The following ATP8B4 variants were observed in gnomAD, a reference collection of about 807,000 sequenced individuals.
ATP8B4 encodes the protein probable phospholipid-transporting ATPase IM.
A neutral mutation model predicts 145.6 loss-of-function variants in ATP8B4; 133 were observed. The ratio of observed to expected loss-of-function variants is 0.91; its 90% CI spans 0.79 to 1.05. The LOEUF (loss-of-function observed/expected upper bound fraction) is 1.05. Among genes scored for constraint, ATP8B4 ranks in the 50% least tolerant of loss-of-function variants. The pLI is 0.00. For synonymous variants in ATP8B4, 507 were observed against 492.9 expected, an observed-to-expected ratio of 1.03 and a Z score of -0.38; for missense variants, 1,458 against 1,425.2, an observed-to-expected ratio of 1.02 and a Z score of -0.37.
At chr15:50,085,498 C>A (rs937334163) in intron 2 of ATP8B4, among the ~76,000 whole-genome samples, 11 of 151,972 alleles carry the variant, frequency 7.2e-5, no homozygotes, top group African/African-American at 2.7e-4. Context: ...GAATGCAGAT[C>A]CACGCAGTGC....
chr15:50,123,649 A>C (rs2057288146), upstream of ATP8B4, among the ~76,000 whole-genome samples: 1 of 152,156 alleles, frequency 6.6e-6, no homozygotes, highest in Non-Finnish European at 1.5e-5. Flanking sequence ...TTGAGTAATA[A>C]TAAAACTCCT....
At chr15:49,861,967 C>T (rs2031899844) in intron 27 of ATP8B4, among the ~76,000 whole-genome samples, 2 of 152,182 alleles carry the variant, frequency 1.3e-5, no homozygotes, top group Non-Finnish European at 2.9e-5. Context: ...TGCCTGTGAT[C>T]TTCTTTTTAA....
intron 3 of ATP8B4, among the ~76,000 whole-genome samples, chr15:50,072,941 T>C (rs1203393906): frequency 1.3e-4 from 3 of 23,050 alleles, no homozygotes; most frequent in African/African-American, 3.6e-4. Context: ...TCTCTCTCTC[T>C]CTCTCTCTCT....
intron 23 of ATP8B4, among the ~76,000 whole-genome samples, chr15:49,884,603 CA>C (rs1171236865): frequency 9.2e-5 from 3 of 32,772 alleles, no homozygotes; most frequent in African/African-American, 3.2e-4. Context: ...ATCCTGTCTC[CA>C]AAAAAAAAGA....
intron 2 of ATP8B4, among the ~76,000 whole-genome samples, chr15:50,078,665 C>A (rs910913566): frequency 6.6e-6 from 1 of 151,800 alleles, no homozygotes; most frequent in Non-Finnish European, 1.5e-5. Context: ...GAAAGGGCCA[C>A]CAAGTACCAA....
At chr15:49,983,867 C>T (rs917517241) in intron 10 of ATP8B4, among the ~76,000 whole-genome samples, 1 of 152,210 alleles carries the variant, frequency 6.6e-6, no homozygotes, top group African/African-American at 2.4e-5. Flanking sequence ...ACTTTCCTTA[C>T]TCCTGCCACA....
chr15:49,984,024 T>G (rs1444539190), intron 10 of ATP8B4, among the ~76,000 whole-genome samples: 1 of 152,236 alleles, frequency 6.6e-6, no homozygotes, highest in African/African-American at 2.4e-5. Flanking sequence ...ATGCCCAGCA[T>G]ATAGTAGACA....
intron 12 of ATP8B4, among the ~76,000 whole-genome samples, chr15:49,975,466 G>A (rs980258178): frequency 1.1e-4 from 16 of 152,090 alleles, no homozygotes; most frequent in African/African-American, 3.9e-4. Context: ...TAAATGCTAT[G>A]TAAATAGTTG....
intron 23 of ATP8B4, among the ~76,000 whole-genome samples, chr15:49,894,291 G>A (rs2037145942): frequency 6.6e-6 from 1 of 152,180 alleles, no homozygotes; most frequent in Admixed American, 6.5e-5. Flanking sequence ...TTTATTAAAT[G>A]AGTGAAATCC....
intron 12 of ATP8B4, among the ~76,000 whole-genome samples, chr15:49,976,195 CTCTT>C (rs1201338293): frequency 6.6e-5 from 10 of 152,088 alleles, no homozygotes; most frequent in Middle Eastern, 3.4e-3. Context: ...ATAACTGACA[CTCTT>C]TGTTTATTTA....
intron 1 of ATP8B4, among the ~76,000 whole-genome samples, chr15:50,171,629 A>C (rs897718950): frequency 1.3e-5 from 2 of 152,194 alleles, no homozygotes; most frequent in Non-Finnish European, 2.9e-5. Flanking sequence ...AGACAATCTA[A>C]GATCACACCT....
chr15:50,179,289 T>C (rs1180401509), intron 1 of ATP8B4, among the ~76,000 whole-genome samples: 3 of 152,208 alleles, frequency 2.0e-5, no homozygotes, highest in African/African-American at 7.2e-5. Context: ...TTTCATTTTA[T>C]AGACCAGAGG....
chr15:49,869,068 C>T lies in ATP8B4; in HGVS notation c.3028-2584G>A, dbSNP rs138543710. Among the ~76,000 whole-genome samples, 1,375 of 152,218 alleles carry T rather than the reference C, an allele frequency of 9.0e-3. 12 individuals carry two copies. Among genetic ancestry groups the T allele is most frequent in the Middle Eastern group, 0.034 (10 of 294 alleles). On this transcript the variant is annotated intron_variant, in intron 25 of 27. Transcript: ENST00000284509. ...GGACTACAGGCAGGCGCCACCATGC[C>T]TGGCTAATTTTTTTGTATTTTTAGT...
At chr15:50,092,335 A>G (rs1376605755) in intron 2 of ATP8B4, among the ~76,000 whole-genome samples, 1 of 152,154 alleles carries the variant, frequency 6.6e-6, no homozygotes, top group Non-Finnish European at 1.5e-5. Flanking sequence ...TTTTTCATTT[A>G]CAATATCTAG....
chr15:49,879,766 C>T (rs1460376955), intron 23 of ATP8B4: 3 of 202,614 alleles, frequency 1.5e-5, no homozygotes, highest in Non-Finnish European at 2.9e-5. Context: ...GAGCCCCTGA[C>T]CTTGTGGTGG....
intron 10 of ATP8B4, among the ~76,000 whole-genome samples, chr15:49,981,637 T>C (rs2046166694): frequency 6.6e-6 from 1 of 152,156 alleles, no homozygotes; most frequent in Admixed American, 6.5e-5. Flanking sequence ...AGGAATAATT[T>C]GGAAATATTA....
intron 2 of ATP8B4, among the ~76,000 whole-genome samples, chr15:50,075,494 G>C (rs1342414608): frequency 6.6e-6 from 1 of 152,156 alleles, no homozygotes; most frequent in African/African-American, 2.4e-5. Flanking sequence ...CATTTGCAGG[G>C]TGTTTTGTCT....
At chr15:49,866,610 C>T (rs1313861133) in intron 25 of ATP8B4, 126 bp from the exon 26 acceptor site, 2 of 1,063,774 alleles carry the variant, frequency 1.9e-6, no homozygotes, top group South Asian at 3.1e-5. Context: ...GCCAAGCCAA[C>T]CGCGGGCATC....
At chr15:50,117,483 C>CA (rs962091543) in intron 1 of ATP8B4, among the ~76,000 whole-genome samples, 10 of 152,064 alleles carry the variant, frequency 6.6e-5, no homozygotes, top group Non-Finnish European at 1.0e-4. Context: ...CTCCCACCCA[C>CA]AAAAAAATCC....
Sources: gnomAD v4.1 joint callset for allele counts (sites outside exome capture counted in the v4.1 genomes callset) on GRCh38, gnomAD v4.1.1 for gene constraint, MANE v1.5 for transcripts, NCBI Gene and HGNC (gene_info 2026-07-23, HGNC 2026-07-21) for gene names.